SEMA6D: variants seen among roughly 807,000 people sequenced by gnomAD.
SEMA6D encodes the protein semaphorin-6D.
A neutral mutation model predicts 106.6 loss-of-function variants in SEMA6D; 35 were observed. The ratio of observed to expected loss-of-function variants is 0.33; its 90% CI spans 0.25 to 0.44. The LOEUF (loss-of-function observed/expected upper bound fraction) is 0.44. Ranked by LOEUF, SEMA6D falls within the 20% of genes least tolerant of loss-of-function variation. SEMA6D has a pLI of 1.00. For missense variants in SEMA6D, 1,185 were observed against 1,345.9 expected, an observed-to-expected ratio of 0.88 and a Z score of 1.87; for synonymous variants, 499 against 487.7, an observed-to-expected ratio of 1.02 and a Z score of -0.31.
At chr15:47,287,443 G>T (rs188150202) in intron 1 of SEMA6D, among the ~76,000 whole-genome samples, 1 of 152,212 alleles carries the variant, frequency 6.6e-6, no homozygotes, top group South Asian at 2.1e-4. Flanking sequence ...TCATTTGAGC[G>T]CCCTAGATTC....
At chr15:47,266,294 G>A (rs1221168534) in intron 1 of SEMA6D, among the ~76,000 whole-genome samples, 8 of 151,938 alleles carry the variant, frequency 5.3e-5, no homozygotes, top group Non-Finnish European at 1.2e-4. Flanking sequence ...TGCAAACAAA[G>A]TCTGCTCCTT....
chr15:47,747,949 A>G (rs773305765), intron 1 of SEMA6D, among the ~76,000 whole-genome samples: 2 of 152,230 alleles, frequency 1.3e-5, no homozygotes, highest in South Asian at 4.1e-4. Flanking sequence ...CCAGTCCCAT[A>G]TATCCACTCT....
At chr15:47,571,187 A>C (rs985758721) in intron 3 of SEMA6D, among the ~76,000 whole-genome samples, 3 of 152,052 alleles carry the variant, frequency 2.0e-5, no homozygotes, top group African/African-American at 7.2e-5. Flanking sequence ...CTGATGGAGA[A>C]TTACTCTTCG....
At chr15:47,553,746 C>CAA (rs951067238) in intron 3 of SEMA6D, among the ~76,000 whole-genome samples, 5 of 142,076 alleles carry the variant, frequency 3.5e-5, no homozygotes, top group African/African-American at 1.3e-4. Context: ...GATAAGAAGG[C>CAA]AAAAAAAAAA....
chr15:47,561,443 G>T (rs1228312701), intron 3 of SEMA6D, among the ~76,000 whole-genome samples: 3 of 151,904 alleles, frequency 2.0e-5, no homozygotes, highest in African/African-American at 7.3e-5. Context: ...AAGACTGAAA[G>T]AATTTGTTGC....
intron 3 of SEMA6D, among the ~76,000 whole-genome samples, chr15:47,505,321 A>G (rs561106116): frequency 6.6e-6 from 1 of 152,288 alleles, no homozygotes; most frequent in Admixed American, 6.5e-5. Context: ...CAGGACTGAG[A>G]ACTTAAGCCT....
chr15:47,729,817 T>G (rs762759665), intron 1 of SEMA6D, among the ~76,000 whole-genome samples: 2 of 152,234 alleles, frequency 1.3e-5, no homozygotes, highest in Non-Finnish European at 2.9e-5. Context: ...GTTCAAAATG[T>G]GTGCTCATTA....
chr15:47,651,881 C>G (rs1415283502), intron 4 of SEMA6D, among the ~76,000 whole-genome samples: 1 of 152,176 alleles, frequency 6.6e-6, no homozygotes, highest in Non-Finnish European at 1.5e-5. Context: ...CCAGATATAC[C>G]AGTCACTCCC....
intron 1 of SEMA6D, among the ~76,000 whole-genome samples, chr15:47,203,250 C>T (rs919721721): frequency 1.3e-5 from 2 of 152,050 alleles, no homozygotes; most frequent in African/African-American, 2.4e-5. Context: ...TATTCCCCCA[C>T]CCCCAATTGC....
At chr15:47,552,796 A>ATG (rs2045747599) in intron 3 of SEMA6D, among the ~76,000 whole-genome samples, 1 of 55,184 alleles carries the variant, frequency 1.8e-5, no homozygotes. Context: ...ATATTTTTAT[A>ATG]TATATATAAA....
intron 1 of SEMA6D, among the ~76,000 whole-genome samples, chr15:47,351,230 T>C (rs1955545308): frequency 6.6e-6 from 1 of 152,152 alleles, no homozygotes; most frequent in African/African-American, 2.4e-5. Flanking sequence ...TTTGAAGAAT[T>C]CTGTAAGTAT....
intron 1 of SEMA6D, among the ~76,000 whole-genome samples, chr15:47,273,748 G>A (rs150236390): frequency 2.0e-5 from 3 of 152,298 alleles, no homozygotes; most frequent in Non-Finnish European, 4.4e-5. Context: ...TAATTGAATA[G>A]CAGAATTCTT....
At chr15:47,720,524 A>T (rs2079364456) in intron 1 of SEMA6D, among the ~76,000 whole-genome samples, 1 of 152,056 alleles carries the variant, frequency 6.6e-6, no homozygotes, top group Non-Finnish European at 1.5e-5. Flanking sequence ...TAGAGTGAGG[A>T]CAACTTAGAA....
At chr15:47,724,060 C>T (rs993139010) in intron 1 of SEMA6D, among the ~76,000 whole-genome samples, 4 of 152,244 alleles carry the variant, frequency 2.6e-5, no homozygotes, top group Admixed American at 1.3e-4. Context: ...CTGGCCTACG[C>T]CTCACTTGTT....
chr15:47,572,166 TC>T (rs1442733260), intron 3 of SEMA6D, among the ~76,000 whole-genome samples: 2 of 152,224 alleles, frequency 1.3e-5, no homozygotes, highest in Non-Finnish European at 2.9e-5. Context: ...GCATTAGATG[TC>T]ATCCCTAGGG....
At chr15:47,270,194 G>T (rs1243583021) in intron 1 of SEMA6D, among the ~76,000 whole-genome samples, 1 of 148,078 alleles carries the variant, frequency 6.8e-6, no homozygotes, top group Non-Finnish European at 1.5e-5. Flanking sequence ...TTTATTATAT[G>T]TTATATTTGT....
intron 1 of SEMA6D, among the ~76,000 whole-genome samples, chr15:47,350,461 A>G (rs1290073845): frequency 6.6e-6 from 1 of 152,114 alleles, no homozygotes; most frequent in African/African-American, 2.4e-5. Context: ...TTTCACATGC[A>G]TTGAAACATG....
intron 3 of SEMA6D, among the ~76,000 whole-genome samples, chr15:47,534,848 T>A (rs1185496229): frequency 6.6e-6 from 1 of 152,080 alleles, no homozygotes; most frequent in Non-Finnish European, 1.5e-5. Flanking sequence ...GCTACACTGA[T>A]GAAAAACCCA....
chr15:47,397,618 G>A (rs2040259607), intron 1 of SEMA6D: 1 of 152,122 alleles, frequency 6.6e-6, no homozygotes, highest in African/African-American at 2.4e-5. Context: ...GCTTGTTAGA[G>A]GTGATTTTAT....
Sources: allele counts gnomAD v4.1 joint callset (sites outside exome capture counted in the v4.1 genomes callset), GRCh38; gene constraint gnomAD v4.1.1; transcripts MANE v1.5; gene names NCBI Gene and HGNC (gene_info 2026-07-23, HGNC 2026-07-21).